The following KCNK2 variants were observed in gnomAD, a reference collection of about 807,000 sequenced individuals.
KCNK2 encodes potassium channel subfamily K member 2.
Under a neutral mutation model 40.5 loss-of-function variants are expected in KCNK2, and 21 were observed. The observed-to-expected ratio is 0.52, with a 90% confidence interval of 0.37 to 0.75. The LOEUF is 0.75. Ranked by LOEUF, KCNK2 falls within the 30% of genes least tolerant of loss-of-function variation. The probability of loss-of-function intolerance (pLI) is 0.00; values close to 1 mark genes in which losing one functional copy is unlikely to be tolerated. For missense variants in KCNK2, 399 were observed against 531.6 expected (o/e 0.75, Z 2.45); for synonymous variants, 191 against 202.2 (o/e 0.94, Z 0.47).
intron 3 of KCNK2, among the ~76,000 whole-genome samples, chr1:215,161,166 C>A (rs1399653708): frequency 6.6e-6 from 1 of 152,142 alleles, no homozygotes; most frequent in Non-Finnish European, 1.5e-5. Flanking sequence ...CATGATAGAG[C>A]CCAAACTATT....
intron 3 of KCNK2, among the ~76,000 whole-genome samples, chr1:215,145,349 A>G (rs1027675923): frequency 6.6e-6 from 1 of 152,178 alleles, no homozygotes; most frequent in African/African-American, 2.4e-5. Context: ...TCTCAGTGAC[A>G]GAGTAGCAGA....
chr1:215,184,337 T>G (rs1273492419), intron 5 of KCNK2, among the ~76,000 whole-genome samples: 1 of 152,188 alleles, frequency 6.6e-6, no homozygotes, highest in Non-Finnish European at 1.5e-5. Flanking sequence ...GCATTAATCT[T>G]AGGCTGTCTT....
rs116662463 is a variant in KCNK2, at chr1:215,009,239, T to G, written c.34+3284T>G. On this transcript the variant is annotated intron_variant, in intron 1 of 6. Transcript: ENST00000391895. The stretch of plus-strand genomic sequence containing the variant: ...TGTGTCAATTTGTTCCAAACACATA[T>G]GCAAAGCACTTGGGCAGAACCACCA... Among the ~76,000 whole-genome samples, 720 of 152,252 alleles carry G rather than the reference T, an allele frequency of 4.7e-3. 2 individuals carry two copies. Among genetic ancestry groups the G allele is most frequent in the African/African-American group, 0.017 (692 of 41,564 alleles).
At chr1:215,030,664 A>G (rs1657155852) in intron 1 of KCNK2, among the ~76,000 whole-genome samples, 1 of 151,466 alleles carries the variant, frequency 6.6e-6, no homozygotes, top group African/African-American at 2.4e-5. Context: ...CCTCCCGAGT[A>G]GCTGGGACTA....
upstream of KCNK2, among the ~76,000 whole-genome samples, chr1:215,078,187 A>G (rs190402542): frequency 6.0e-4 from 92 of 152,338 alleles, no homozygotes; most frequent in African/African-American, 2.1e-3. Flanking sequence ...GCCACATTCA[A>G]AGCCATCCTG....
chr1:215,009,144 A>G (rs554580796), intron 1 of KCNK2, among the ~76,000 whole-genome samples: 9 of 152,260 alleles, frequency 5.9e-5, no homozygotes, highest in African/African-American at 1.9e-4. Flanking sequence ...AATGTATCCT[A>G]TAGTAGCTTT....
rs1043920005 is a variant in KCNK2, at chr1:215,236,449, C to A, written c.*1304C>A. 5 of 152,376 alleles carry A rather than the reference C, an allele frequency of 3.3e-5. No homozygotes were observed. The highest frequency in any genetic ancestry group is 1.2e-4 in the African/African-American group (5 of 41,354). 9.4% of individuals were successfully genotyped at this position (152,376 alleles called of 1,614,324 possible). On this transcript the variant is annotated 3_prime_UTR_variant, in exon 7 of 7. Coordinates refer to ENST00000444842, the MANE Select transcript of KCNK2 (RefSeq NM_001017425.3). ...TTTGCACATGGAAAAATGCAGATTG[C>A]AGGCATAATTCATCTCTGACATTAG... is the stretch of plus-strand genomic sequence containing the variant.
At chr1:215,050,925 GGTT>G (rs375786120) in intron 1 of KCNK2, among the ~76,000 whole-genome samples, 14 of 152,270 alleles carry the variant, frequency 9.2e-5, no homozygotes, top group African/African-American at 3.4e-4. Flanking sequence ...CACAGTAATA[GGTT>G]GTTAACAGGG....
chr1:215,029,165 G>A (rs562453466), intron 1 of KCNK2, among the ~76,000 whole-genome samples: 2 of 151,754 alleles, frequency 1.3e-5, no homozygotes, highest in African/African-American at 2.4e-5. Flanking sequence ...TTAATTTAGG[G>A]TTCACTTTTG....
At chr1:215,148,141 G>A (rs1257172731) in intron 3 of KCNK2, among the ~76,000 whole-genome samples, 1 of 131,836 alleles carries the variant, frequency 7.6e-6, no homozygotes, top group Non-Finnish European at 1.5e-5. Context: ...ATGCAGTGGT[G>A]TGATCATGGC....
At chr1:215,216,564 A>C (rs929857379) in intron 6 of KCNK2, among the ~76,000 whole-genome samples, 1 of 130,122 alleles carries the variant, frequency 7.7e-6, no homozygotes, top group Non-Finnish European at 1.7e-5. Flanking sequence ...TTGTATTTCT[A>C]TTTCCAATAA....
At chr1:215,209,323 C>T (rs1558139792) in intron 6 of KCNK2, among the ~76,000 whole-genome samples, 36 of 88,158 alleles carry the variant, frequency 4.1e-4, no homozygotes, top group African/African-American at 1.9e-3. Context: ...GAAATATACA[C>T]ATATTTTTAT....
At chr1:215,172,944 G>A (rs147569720) in intron 5 of KCNK2, among the ~76,000 whole-genome samples, 65 of 152,026 alleles carry the variant, frequency 4.3e-4, no homozygotes, top group African/African-American at 1.4e-3. Context: ...CACTACGCCC[G>A]GCCTAAGAAT....
rs569779095 is a variant in KCNK2 at position 215,061,655 on chromosome 1, A to G, written c.35-24713A>G. ...TGTCTTGAGAATTGAAAGTTAATCA[A>G]TTCACTAGCAGCAACTCTTGGGGCC... On this transcript the variant is annotated intron_variant, in intron 1 of 6. Coordinates refer to the KCNK2 transcript ENST00000391895. Among the ~76,000 whole-genome samples, 496 of 152,252 alleles carry G rather than the reference A, an allele frequency of 3.3e-3. 3 individuals are homozygous for G. Among genetic ancestry groups the G allele is most frequent in the Non-Finnish European group, 5.9e-3 (401 of 67,986 alleles).
chr1:215,023,214 T>TTA (rs888165265), intron 1 of KCNK2, among the ~76,000 whole-genome samples: 82 of 151,414 alleles, frequency 5.4e-4, no homozygotes, highest in African/African-American at 2.0e-3. Flanking sequence ...ATTATTATTA[T>TTA]TTTTTTTGTA....
chr1:215,082,655 T>C (rs1316196646), upstream of KCNK2, among the ~76,000 whole-genome samples: 1 of 149,162 alleles, frequency 6.7e-6, no homozygotes, highest in African/African-American at 2.5e-5. Flanking sequence ...AGGGTAGGGC[T>C]AGGAGGAGGT....
At chr1:215,232,494 G>A (rs1666708707) in intron 6 of KCNK2, among the ~76,000 whole-genome samples, 2 of 152,138 alleles carry the variant, frequency 1.3e-5, no homozygotes, top group African/African-American at 4.8e-5. Context: ...ATTGTGTTAT[G>A]AGATTACAGA....
intron 2 of KCNK2, among the ~76,000 whole-genome samples, chr1:215,122,867 C>T (rs1661252523): frequency 6.6e-6 from 1 of 151,226 alleles, no homozygotes; most frequent in African/African-American, 2.4e-5. Flanking sequence ...GCCTCCACCT[C>T]CCGAGTAGCT....
intron 3 of KCNK2, among the ~76,000 whole-genome samples, chr1:215,160,442 A>G (rs1411194246): frequency 6.6e-6 from 1 of 152,212 alleles, no homozygotes; most frequent in East Asian, 1.9e-4. Flanking sequence ...AAGGTGAAAC[A>G]GAGAAGAAAG....
Sources: allele counts gnomAD v4.1 joint callset (sites outside exome capture counted in the v4.1 genomes callset), GRCh38; gene constraint gnomAD v4.1.1; transcripts MANE v1.5; gene names NCBI Gene and HGNC (gene_info 2026-07-23, HGNC 2026-07-21).